The following DNM3 variants were observed in gnomAD, a reference collection of about 807,000 sequenced individuals.
The protein encoded by DNM3 is dynamin-3.
A neutral mutation model predicts 101.6 loss-of-function variants in DNM3; 47 were observed. The ratio of observed to expected loss-of-function variants is 0.46; its 90% confidence interval spans 0.37 to 0.59. DNM3 has a LOEUF of 0.59. Ranked by LOEUF, DNM3 falls within the 20% of genes least tolerant of loss-of-function variation. The pLI is 0.00. For missense variants in DNM3, 849 were observed against 1,085.7 expected (o/e 0.78, Z 3.06); for synonymous variants, 385 against 387.9 (o/e 0.99, Z 0.09).
chr1:172,190,804 C>G (rs1177438457), intron 14 of DNM3, among the ~76,000 whole-genome samples: 2 of 152,044 alleles, frequency 1.3e-5, no homozygotes, highest in Non-Finnish European at 2.9e-5. Context: ...GTTGGTGGCA[C>G]AAATGTCTTC....
At chr1:171,890,990 A>C (rs2037221939) in intron 1 of DNM3, among the ~76,000 whole-genome samples, 1 of 152,130 alleles carries the variant, frequency 6.6e-6, no homozygotes, top group Non-Finnish European at 1.5e-5. Context: ...TCTAAAAGTC[A>C]CTCCACATGG....
At chr1:171,845,017 T>A (rs2031848182) in intron 1 of DNM3, among the ~76,000 whole-genome samples, 1 of 152,188 alleles carries the variant, frequency 6.6e-6, no homozygotes, top group South Asian at 2.1e-4. Context: ...TAGGTACTCT[T>A]ATGATTTCCA....
At chr1:171,900,235 C>T (rs1406652920) in intron 1 of DNM3, among the ~76,000 whole-genome samples, 3 of 152,010 alleles carry the variant, frequency 2.0e-5, no homozygotes, top group Non-Finnish European at 4.4e-5. Context: ...AATTAGGACA[C>T]GATGCGTTTG....
intron 14 of DNM3, among the ~76,000 whole-genome samples, chr1:172,180,523 T>G (rs953413094): frequency 6.6e-6 from 1 of 152,116 alleles, no homozygotes; most frequent in Non-Finnish European, 1.5e-5. Context: ...CTTATATAAT[T>G]AAGAGCTTAC....
intron 14 of DNM3, among the ~76,000 whole-genome samples, chr1:172,132,589 G>A (rs1342043885): frequency 2.6e-5 from 4 of 152,096 alleles, no homozygotes; most frequent in African/African-American, 7.2e-5. Flanking sequence ...CTTCTTTGCT[G>A]TTCAGTTGTA....
rs190285506 is a variant in DNM3, at chr1:172,101,802, T to G, written c.1545+8927T>G. On this transcript the variant is annotated intron_variant, in intron 13 of 20. Transcript: ENST00000627582. ...TAGTTTGTAAATTTCATCAAGCATC[T>G]CATTTTGTAGTCTCAATTATTTATA... 3.6e-4 allele frequency among the ~76,000 whole-genome samples: 55 copies of G among 152,190 alleles called. 1 individual carries two copies. The highest frequency in any genetic ancestry group is 1.2e-3 in the African/African-American group (50 of 41,454).
At chr1:172,325,688 T>G (rs181817629) in intron 17 of DNM3, among the ~76,000 whole-genome samples, 4 of 152,272 alleles carry the variant, frequency 2.6e-5, no homozygotes, top group Admixed American at 6.5e-5. Context: ...ATTCCTTTTT[T>G]CCTCCCATGC....
intron 17 of DNM3, among the ~76,000 whole-genome samples, chr1:172,352,063 A>G (rs540087307): frequency 3.3e-5 from 5 of 152,184 alleles, no homozygotes; most frequent in Non-Finnish European, 7.3e-5. Flanking sequence ...TGACGTCTAA[A>G]ATTACATCTC....
At chr1:171,856,999 G>A (rs2033676692) in intron 1 of DNM3, among the ~76,000 whole-genome samples, 1 of 152,178 alleles carries the variant, frequency 6.6e-6, no homozygotes, top group African/African-American at 2.4e-5. Context: ...ACAGAAATAA[G>A]GATGTGTTTA....
In DNM3 at chr1:171,843,937, C is replaced by T. The variant is rs561865991; in HGVS notation, c.161+2120C>T. 2.6e-4 allele frequency among the ~76,000 whole-genome samples: 39 copies of T among 152,174 alleles called. No homozygotes were observed. The South Asian group carries it at 2.9e-3, about 11-fold the overall frequency. ...TTTTACCACTAATTGACTGTTAGAA[C>T]GCCAAATCAAAGAAAAGGATGACCA... On this transcript the variant is annotated intron_variant, in intron 1 of 20. Coordinates refer to ENST00000627582, the MANE Select transcript of DNM3 (RefSeq NM_015569.5).
intron 14 of DNM3, among the ~76,000 whole-genome samples, chr1:172,147,126 T>A (rs2057940897): frequency 6.6e-6 from 1 of 152,154 alleles, no homozygotes; most frequent in Admixed American, 6.6e-5. Flanking sequence ...GAATATTTAT[T>A]CTTGCCTACT....
chr1:172,181,017 G>T (rs772208438), intron 14 of DNM3, among the ~76,000 whole-genome samples: 2 of 152,128 alleles, frequency 1.3e-5, no homozygotes, highest in Non-Finnish European at 2.9e-5. Context: ...CCGCCACTCC[G>T]CTGGGCTCTG....
intron 14 of DNM3, among the ~76,000 whole-genome samples, chr1:172,161,441 G>T (rs982567884): frequency 2.6e-5 from 4 of 151,934 alleles, no homozygotes; most frequent in African/African-American, 7.2e-5. Flanking sequence ...ATAGGGATAT[G>T]AGATAAATCA....
At chr1:172,090,857 A>G (rs4916242) in intron 12 of DNM3, among the ~76,000 whole-genome samples, 141,510 of 152,294 alleles carry the variant, frequency 0.93, 65,839 homozygotes, top group Non-Finnish European at 0.95. Flanking sequence ...GTTGACTGAG[A>G]GCTTTAGTCT....
intron 14 of DNM3, among the ~76,000 whole-genome samples, chr1:172,134,085 G>A (rs2057088951): frequency 1.3e-5 from 2 of 152,168 alleles, no homozygotes; most frequent in Non-Finnish European, 2.9e-5. Context: ...CATGGAAGAA[G>A]GGAGACCAGA....
chr1:172,144,187 T>TAA (rs34952786), intron 14 of DNM3, among the ~76,000 whole-genome samples: 49 of 141,944 alleles, frequency 3.5e-4, no homozygotes, highest in African/African-American at 6.3e-4. Flanking sequence ...TCTTCAGAAA[T>TAA]AAAAAAAAAA....
chr1:172,182,978 A>G lies in DNM3; in HGVS notation c.1659+51690A>G, dbSNP rs574863282. On this transcript the variant is annotated intron_variant, in intron 14 of 20. Transcript: ENST00000627582. The stretch of plus-strand genomic sequence containing the variant: ...ATTTTAATAATCATGACAACTGAGT[A>G]TAGTTTCTATCAAAAAAAATTTCTT... Among the ~76,000 whole-genome samples the G allele has an allele frequency of 8.5e-5, 13 of 152,194 alleles. No individual in the cohort carries two copies. The East Asian group carries it at 2.5e-3, about 30-fold the overall frequency.
chr1:171,886,469 T>C lies in DNM3; in HGVS notation c.162-35279T>C, dbSNP rs139315291. Among the ~76,000 whole-genome samples the C allele has an allele frequency of 5.3e-5, 8 of 152,292 alleles. No individual in the cohort carries two copies. In the East Asian group the frequency reaches 1.3e-3, roughly 26 times the overall value. Reference sequence around the variant, plus strand: ...AAAGGGAACACAAAAAACAAGGGGATACTGGTATCACTGTGGCTGGAACAA... The same window carrying C: ...AAAGGGAACACAAAAAACAAGGGGACACTGGTATCACTGTGGCTGGAACAA... On this transcript the variant is annotated intron_variant, in intron 1 of 20. Transcript: ENST00000627582.
intron 11 of DNM3, among the ~76,000 whole-genome samples, chr1:172,072,082 A>G (rs542109872): frequency 9.2e-5 from 14 of 152,174 alleles, no homozygotes; most frequent in Non-Finnish European, 1.6e-4. Context: ...GCCTTTGGCA[A>G]TGTTGAGAAT....
Sources: allele counts gnomAD v4.1 joint callset (sites outside exome capture counted in the v4.1 genomes callset), GRCh38; gene constraint gnomAD v4.1.1; transcripts MANE v1.5; gene names NCBI Gene and HGNC (gene_info 2026-07-23, HGNC 2026-07-21).